Variants in RXFP1 observed in about 807,000 individuals in gnomAD.
RXFP1 encodes the protein relaxin family peptide receptor 1.
Under a neutral mutation model 89.8 loss-of-function variants are expected in RXFP1, and 73 were observed. That is an observed-to-expected ratio of 0.81 (90% CI 0.67 to 0.99). RXFP1 has a LOEUF of 0.99. Ranked by LOEUF, RXFP1 falls within the 50% of genes least tolerant of loss-of-function variation. RXFP1 has a pLI of 0.00. For missense variants in RXFP1, 793 were observed against 895.5 expected, an observed-to-expected ratio of 0.89 and a Z score of 1.46; for synonymous variants, 277 against 305.5, an observed-to-expected ratio of 0.91 and a Z score of 0.97.
intron 1 of RXFP1, among the ~76,000 whole-genome samples, chr4:158,542,377 C>T (rs1747024584): frequency 6.6e-6 from 1 of 151,876 alleles, no homozygotes; most frequent in Non-Finnish European, 1.5e-5. Context: ...ATAGAATATT[C>T]TTCAATTCAG....
At chr4:158,590,721 A>G (rs1475678810) in intron 2 of RXFP1, among the ~76,000 whole-genome samples, 1 of 152,106 alleles carries the variant, frequency 6.6e-6, no homozygotes, top group Admixed American at 6.6e-5. Flanking sequence ...GGAATAGATA[A>G]CCCATCCGAT....
At chr4:158,530,269 C>T (rs1743704251) in intron 1 of RXFP1, among the ~76,000 whole-genome samples, 1 of 152,158 alleles carries the variant, frequency 6.6e-6, no homozygotes, top group African/African-American at 2.4e-5. Context: ...TATCCAGGCA[C>T]ATATTGCAAG....
At chr4:158,604,051 C>T (rs1762164976) in intron 4 of RXFP1, among the ~76,000 whole-genome samples, 1 of 151,592 alleles carries the variant, frequency 6.6e-6, no homozygotes, top group African/African-American at 2.4e-5. Flanking sequence ...GACTCTAGAA[C>T]AGTGTTTCTC....
chr4:158,602,215 T>C (rs1320944846), intron 4 of RXFP1, among the ~76,000 whole-genome samples: 3 of 152,250 alleles, frequency 2.0e-5, no homozygotes, highest in Non-Finnish European at 4.4e-5. Context: ...TTTGTCAAAA[T>C]ATTTTATGTC....
chr4:158,571,274 T>C (rs1042152766), intron 1 of RXFP1, among the ~76,000 whole-genome samples: 1 of 152,216 alleles, frequency 6.6e-6, no homozygotes, highest in African/African-American at 2.4e-5. Context: ...CTATCCAATA[T>C]AGAAATGATC....
In RXFP1 at chr4:158,542,109, A is replaced by ATATATATATATTT; in HGVS notation, c.49+20085_49+20086insATATATATATTTT. 2.3e-4 allele frequency among the ~76,000 whole-genome samples: 8 copies of ATATATATATATTT among 35,236 alleles called. 1 individual carries two copies. The highest frequency in any genetic ancestry group is 3.9e-4 in the Non-Finnish European group (7 of 18,000). The allele number at this position is 35,236 out of a possible 152,430, so 23.1% of individuals were successfully genotyped here. On this transcript the variant is annotated intron_variant, in intron 1 of 17. Coordinates refer to ENST00000307765, the MANE Select transcript of RXFP1 (RefSeq NM_021634.4). ...TATATATATATATATATATATATAT[A>ATATATATATATTT]TTTTTTTTTTAGTAGAGACAGGGTT...
intron 12 of RXFP1, among the ~76,000 whole-genome samples, chr4:158,636,300 T>C (rs1769140331): frequency 6.6e-6 from 1 of 152,234 alleles, no homozygotes; most frequent in Non-Finnish European, 1.5e-5. Flanking sequence ...TAAGATTTAT[T>C]GTAAAATATA....
At chr4:158,546,889 A>C (rs1318534318) in intron 1 of RXFP1, among the ~76,000 whole-genome samples, 1 of 151,420 alleles carries the variant, frequency 6.6e-6, no homozygotes, top group East Asian at 1.9e-4. Flanking sequence ...ATGTTCATCA[A>C]GGATGTTGGT....
chr4:158,547,057 C>T (rs1359228219), intron 1 of RXFP1, among the ~76,000 whole-genome samples: 12 of 152,118 alleles, frequency 7.9e-5, no homozygotes, highest in Non-Finnish European at 1.3e-4. Flanking sequence ...TGGTAGAATT[C>T]GGCTGTGAAT....
chr4:158,532,614 C>T (rs10010666), intron 1 of RXFP1, among the ~76,000 whole-genome samples: 6,883 of 152,186 alleles, frequency 0.045, 519 homozygotes, highest in African/African-American at 0.16. Context: ...CACTCTGGCA[C>T]GGATGAGTGA....
chr4:158,555,302 A>G (rs150613792), intron 1 of RXFP1, among the ~76,000 whole-genome samples: 224 of 152,318 alleles, frequency 1.5e-3, no homozygotes, highest in African/African-American at 5.1e-3. Context: ...GTGTATTGAA[A>G]CGCTTAAGGT....
chr4:158,602,313 G>C (rs1761837274), intron 4 of RXFP1, among the ~76,000 whole-genome samples: 1 of 152,080 alleles, frequency 6.6e-6, no homozygotes, highest in South Asian at 2.1e-4. Context: ...CTTTCAATGA[G>C]CCTCACTTTC....
chr4:158,648,660 T>G lies in RXFP1; in HGVS notation c.1918T>G (p.Cys640Gly), dbSNP rs1772036169. 1 of 1,612,342 alleles carries G rather than the reference T, an allele frequency of 6.2e-7. No individual in the cohort carries two copies. Reference protein sequence around the residue: ...FFFIVFTDALCWIPIFVVKFL... With the variant: ...FFFIVFTDALGWIPIFVVKFL... Reference sequence around the variant, plus strand: ...CTTTATAGTATTTACTGATGCATTATGCTGGATACCCATTTTTGTAGTGAA... The same window carrying G: ...CTTTATAGTATTTACTGATGCATTAGGCTGGATACCCATTTTTGTAGTGAA... The change falls in exon 17 of 18, where the codon TGC (cysteine) becomes GGC (glycine). Residue 640 changes from cysteine (C) to glycine (G), a missense_variant. Cys to Gly is a radical substitution (Grantham distance 159). Transcript: ENST00000307765.
intron 1 of RXFP1, among the ~76,000 whole-genome samples, chr4:158,568,722 T>A (rs571505991): frequency 6.6e-6 from 1 of 152,340 alleles, no homozygotes; most frequent in South Asian, 2.1e-4. Context: ...ACTATGTCCT[T>A]CATCAAACTA....
At position 158,627,443 on chromosome 4, in the gene RXFP1, A is replaced by G. The variant is rs1460826076; in HGVS notation, c.827+552A>G. Among the ~76,000 whole-genome samples, 8 of 151,916 alleles carry G rather than the reference A, an allele frequency of 5.3e-5. No homozygotes were observed. The South Asian group carries it at 1.7e-3, about 32-fold the overall frequency. ...GCATTTTTAAGGGAAACAGAATTTA[A>G]TTGAATAGATTATATCAGACTGCAA... On this transcript the variant is annotated intron_variant, in intron 10 of 17. Transcript: ENST00000307765.
chr4:158,529,705 G>A (rs1315445679), intron 1 of RXFP1, among the ~76,000 whole-genome samples: 10 of 151,996 alleles, frequency 6.6e-5, no homozygotes, highest in Non-Finnish European at 1.5e-4. Flanking sequence ...TTCTAATTAA[G>A]CAGTTCCTCT....
chr4:158,622,434 G>T (rs768129073), intron 9 of RXFP1, among the ~76,000 whole-genome samples: 1 of 152,178 alleles, frequency 6.6e-6, no homozygotes, highest in Non-Finnish European at 1.5e-5. Flanking sequence ...GTTCATTGCA[G>T]CATTAGTCAC....
At chr4:158,606,556 G>C (rs1158320320) in intron 5 of RXFP1, among the ~76,000 whole-genome samples, 2 of 151,916 alleles carry the variant, frequency 1.3e-5, no homozygotes, top group East Asian at 3.9e-4. Context: ...CTACATGATT[G>C]GGCCCACAGC....
At position 158,572,777 on chromosome 4, in the gene RXFP1, G is replaced by A. The variant is rs376578292; in HGVS notation, c.129G>A (p.Gln43=). The change falls in exon 2 of 18, where the codon CAG becomes CAA. Residue 43 remains glutamine, a synonymous_variant. Coordinates refer to ENST00000307765, the MANE Select transcript of RXFP1 (RefSeq NM_021634.4). ...PCGNITKCLP[Q]LLHCNGVDDC... ...GGAACATCACAAAGTGCTTGCCTCAGCTCCTGCACTGTAACGGTGTGGACG... is the reference window on the plus strand; with the variant it reads ...GGAACATCACAAAGTGCTTGCCTCAACTCCTGCACTGTAACGGTGTGGACG... The A allele has an allele frequency of 3.1e-6, 5 of 1,614,058 alleles. No homozygotes were observed. Among genetic ancestry groups the A allele is most frequent in the African/African-American group, 1.3e-5 (1 of 74,918 alleles).
Sources: gnomAD v4.1 joint callset for allele counts (sites outside exome capture counted in the v4.1 genomes callset) on GRCh38, gnomAD v4.1.1 for gene constraint, MANE v1.5 for transcripts, NCBI Gene and HGNC (gene_info 2026-07-23, HGNC 2026-07-21) for gene names.